The following ITGBL1 variants were observed in gnomAD, a reference collection of about 807,000 sequenced individuals.
ITGBL1 encodes integrin subunit beta like 1, also known as integrin beta-like protein 1.
In ITGBL1, 51 loss-of-function variants were observed where a neutral mutation model predicts 68.5. The observed-to-expected ratio is 0.74, with a 90% CI of 0.59 to 0.94. The LOEUF is 0.94. Among genes scored for constraint, ITGBL1 ranks in the 40% least tolerant of loss-of-function variants. The probability of loss-of-function intolerance (pLI) is 0.00; values close to 1 mark genes in which losing one functional copy is unlikely to be tolerated. For missense variants in ITGBL1, 649 were observed against 647.4 expected (o/e 1.00, Z -0.03); for synonymous variants, 209 against 227.3 (o/e 0.92, Z 0.72).
At chr13:101,688,243 G>A (rs771810623) in intron 7 of ITGBL1, among the ~76,000 whole-genome samples, 3 of 152,182 alleles carry the variant, frequency 2.0e-5, no homozygotes, top group Non-Finnish European at 4.4e-5. Context: ...TTGGGTTGAG[G>A]CACTTGCTTA....
At chr13:101,664,610 A>C (rs924452053) in intron 7 of ITGBL1, among the ~76,000 whole-genome samples, 1 of 152,176 alleles carries the variant, frequency 6.6e-6, no homozygotes, top group Non-Finnish European at 1.5e-5. Flanking sequence ...AACTTTTTTC[A>C]CTGCACTGTA....
At chr13:101,546,772 C>T (rs1054903841) in intron 2 of ITGBL1, among the ~76,000 whole-genome samples, 13 of 151,736 alleles carry the variant, frequency 8.6e-5, no homozygotes, top group African/African-American at 3.1e-4. Flanking sequence ...TCTCAATTTC[C>T]CAGAAATATT....
At chr13:101,481,713 G>A (rs1163014701) in intron 2 of ITGBL1, among the ~76,000 whole-genome samples, 2 of 151,942 alleles carry the variant, frequency 1.3e-5, no homozygotes, top group Non-Finnish European at 2.9e-5. Context: ...TTCATTCATT[G>A]TTCTCTCTAT....
intron 7 of ITGBL1, among the ~76,000 whole-genome samples, chr13:101,683,481 A>T (rs1594978124): frequency 6.6e-6 from 1 of 152,034 alleles, no homozygotes; most frequent in Non-Finnish European, 1.5e-5. Flanking sequence ...GTAATTGATG[A>T]ACATTTGGGG....
At chr13:101,620,119 T>C (rs1315448430) in intron 7 of ITGBL1, among the ~76,000 whole-genome samples, 1 of 152,184 alleles carries the variant, frequency 6.6e-6, no homozygotes, top group African/African-American at 2.4e-5. Flanking sequence ...TTACAATATT[T>C]TAATATTATG....
chr13:101,655,471 AG>A (rs1354273447), intron 7 of ITGBL1, among the ~76,000 whole-genome samples: 9 of 152,220 alleles, frequency 5.9e-5, no homozygotes, highest in African/African-American at 2.2e-4. Flanking sequence ...ATGTAATTAA[AG>A]CATTGATAAC....
intron 4 of ITGBL1, 88 bp from the exon 5 acceptor site, chr13:101,579,199 G>A: frequency 7.0e-7 from 1 of 1,425,782 alleles, no homozygotes; most frequent in Non-Finnish European, 9.7e-7. Context: ...ATTTCAGAAG[G>A]CAAAAATGAT....
intron 7 of ITGBL1, among the ~76,000 whole-genome samples, chr13:101,687,946 G>T (rs1208977292): frequency 6.6e-6 from 1 of 151,958 alleles, no homozygotes; most frequent in Non-Finnish European, 1.5e-5. Context: ...TGCTAGAAAG[G>T]CAGATTTCCA....
At chr13:101,584,736 C>G (rs1249311451) in intron 6 of ITGBL1, among the ~76,000 whole-genome samples, 1 of 151,840 alleles carries the variant, frequency 6.6e-6, no homozygotes, top group Non-Finnish European at 1.5e-5. Context: ...TCATTGCTGT[C>G]AACACAGTGG....
Position 101,575,565 on chromosome 13 carries a change from T to C in ITGBL1, c.586+19T>C. On this transcript the variant is annotated intron_variant, in intron 4 of 10. Coordinates refer to ENST00000376180, the MANE Select transcript of ITGBL1 (RefSeq NM_004791.3). ...TGTGGAGGTATGTATATTGGCTCTG[T>C]AGAAATTAATAAAAGTACCTGTTTT... is the stretch of plus-strand genomic sequence containing the variant. 6.2e-7 allele frequency: 1 copy of C among 1,605,430 alleles called. No homozygotes were observed.
At chr13:101,545,490 A>G (rs1414312) in intron 2 of ITGBL1, among the ~76,000 whole-genome samples, 32,969 of 152,160 alleles carry the variant, frequency 0.22, 3,936 homozygotes, top group East Asian at 0.45. Flanking sequence ...AACAGAAAAC[A>G]TAGAATAATT....
At chr13:101,469,071 C>T (rs868605062) in intron 2 of ITGBL1, among the ~76,000 whole-genome samples, 2 of 152,202 alleles carry the variant, frequency 1.3e-5, no homozygotes, top group African/African-American at 2.4e-5. Flanking sequence ...GAATAAGTCA[C>T]ATCAGAGATT....
chr13:101,645,501 A>G (rs1468072918), intron 7 of ITGBL1, among the ~76,000 whole-genome samples: 1 of 152,080 alleles, frequency 6.6e-6, no homozygotes, highest in Non-Finnish European at 1.5e-5. Context: ...AACCTGAAAA[A>G]AAAAATTTGT....
intron 7 of ITGBL1, among the ~76,000 whole-genome samples, chr13:101,680,372 C>T (rs1461964318): frequency 6.6e-6 from 1 of 151,982 alleles, no homozygotes; most frequent in African/African-American, 2.4e-5. Context: ...TCTAATTACT[C>T]CCCAACTATT....
intron 2 of ITGBL1, among the ~76,000 whole-genome samples, chr13:101,492,010 A>G (rs1179963655): frequency 6.6e-6 from 1 of 151,994 alleles, no homozygotes; most frequent in Non-Finnish European, 1.5e-5. Flanking sequence ...TATGTGCCAT[A>G]TTTTCTATAT....
intron 7 of ITGBL1, among the ~76,000 whole-genome samples, chr13:101,662,964 G>T (rs894988951): frequency 3.3e-5 from 5 of 151,594 alleles, no homozygotes; most frequent in African/African-American, 9.7e-5. Context: ...ATCACTTATT[G>T]CCCCAGTAAA....
chr13:101,692,972 G>T, intron 8 of ITGBL1: 1 of 291,292 alleles, frequency 3.4e-6, no homozygotes, highest in South Asian at 8.9e-5. Flanking sequence ...GATCGTGAAA[G>T]GTTTTGGGGC....
intron 2 of ITGBL1, among the ~76,000 whole-genome samples, chr13:101,527,960 A>G (rs2049408098): frequency 6.6e-6 from 1 of 151,936 alleles, no homozygotes; most frequent in Non-Finnish European, 1.5e-5. Context: ...TTCCCATTCC[A>G]TAGCTTGCCT....
chr13:101,601,509 T>C (rs191877999), intron 7 of ITGBL1, among the ~76,000 whole-genome samples: 1 of 152,320 alleles, frequency 6.6e-6, no homozygotes, highest in African/African-American at 2.4e-5. Context: ...GCTTCTCTAG[T>C]TCTTTTAATT....
Sources: allele counts gnomAD v4.1 joint callset (sites outside exome capture counted in the v4.1 genomes callset), GRCh38; gene constraint gnomAD v4.1.1; transcripts MANE v1.5; gene names NCBI Gene and HGNC (gene_info 2026-07-23, HGNC 2026-07-21).